The following RAB11A variants were observed in gnomAD, a reference collection of about 807,000 sequenced individuals.
RAB11A encodes RAB11A, member RAS oncogene family.
In RAB11A, 9 loss-of-function variants were observed where a neutral mutation model predicts 28.0. That is an observed-to-expected ratio of 0.32 (90% CI 0.19 to 0.56). The LOEUF is 0.56. RAB11A is among the 20% of genes least tolerant of loss of function. RAB11A has a pLI of 0.91. For synonymous variants in RAB11A, 85 were observed against 88.2 expected (o/e 0.96, Z 0.20); for missense variants, 108 against 269.6 (o/e 0.40, Z 4.20).
At position 65,869,835 on chromosome 15, in the gene RAB11A, A is replaced by C. The variant is rs531631012; in HGVS notation, c.40+210A>C. Reference sequence around the variant, plus strand: ...ATGCCGCTCTCTGAGCGACCTCTCCATAGGCCTTCGCTGGCCTCAGAGCCC... The same window carrying C: ...ATGCCGCTCTCTGAGCGACCTCTCCCTAGGCCTTCGCTGGCCTCAGAGCCC... On this transcript the variant is annotated intron_variant, in intron 1 of 4. Coordinates refer to ENST00000261890, the MANE Select transcript of RAB11A (RefSeq NM_004663.5). 2.0e-5 allele frequency among the ~76,000 whole-genome samples: 3 copies of C among 152,130 alleles called. No homozygotes were observed. In the East Asian group the frequency reaches 5.8e-4, roughly 29 times the overall value.
chr15:65,884,392 T>G (rs1596790880), intron 4 of RAB11A, among the ~76,000 whole-genome samples: 1 of 152,310 alleles, frequency 6.6e-6, no homozygotes, highest in African/African-American at 2.4e-5. Context: ...TGTAACCCAC[T>G]GTAAGTTTTA....
chr15:65,887,361 C>T (rs1162953949), intron 4 of RAB11A, among the ~76,000 whole-genome samples: 3 of 152,070 alleles, frequency 2.0e-5, no homozygotes, highest in African/African-American at 7.2e-5. Context: ...TTTGTAGAGA[C>T]AGGGTTTCAC....
At chr15:65,882,719 G>A (rs2078230370) in intron 4 of RAB11A, among the ~76,000 whole-genome samples, 1 of 152,206 alleles carries the variant, frequency 6.6e-6, no homozygotes, top group African/African-American at 2.4e-5. Flanking sequence ...TGATTTTGCT[G>A]ATGGTATTTT....
chr15:65,889,598 A>G lies in RAB11A; in HGVS notation c.*1758A>G, dbSNP rs12591642. On this transcript the variant is annotated 3_prime_UTR_variant, in exon 5 of 5. Transcript: ENST00000261890. ...GTGTGAATTCAGCTTTGATTTTAGAACTGCAGTTCAATTATGCTTTCCTTG... is the reference window on the plus strand; with the variant it reads ...GTGTGAATTCAGCTTTGATTTTAGAGCTGCAGTTCAATTATGCTTTCCTTG... The G allele has an allele frequency of 6.6e-6, 1 of 151,956 alleles. No individual in the cohort carries two copies. The highest frequency in any genetic ancestry group is 1.5e-5 in the Non-Finnish European group (1 of 68,004). 9.4% of individuals were successfully genotyped at this position (151,956 alleles called of 1,614,324 possible). A position where few individuals can be genotyped will look rare whatever the true frequency, so the allele number is the denominator to read the frequency against.
rs1389990222 is a variant in RAB11A, at chr15:65,885,789, T to G, written c.512-1912T>G. Among the ~76,000 whole-genome samples, 4 of 152,240 alleles carry G rather than the reference T, an allele frequency of 2.6e-5. No individual in the cohort carries two copies. The East Asian group carries it at 7.7e-4, about 29-fold the overall frequency. On this transcript the variant is annotated intron_variant, in intron 4 of 4. Coordinates refer to ENST00000261890, the MANE Select transcript of RAB11A (RefSeq NM_004663.5). ...TGGAGAAAAGGCATACGAAATTTAT[T>G]AACATGTACACTGTACACTGGTTTT... is the stretch of plus-strand genomic sequence containing the variant.
chr15:65,879,648 T>C, intron 3 of RAB11A, 23 bp from the exon 4 acceptor site: 1 of 1,537,574 alleles, frequency 6.5e-7, no homozygotes, highest in South Asian at 1.1e-5. Context: ...TTAACAAGAC[T>C]GAACTTTTGT....
Position 65,877,525 on chromosome 15 carries a change from A to G in RAB11A, c.234A>G (p.Ser78=), listed in dbSNP as rs1485132419. ...AGQERYRAIT[S]AYYRGAVGAL... is the part of the protein sequence containing the mutation. ...AAGAGCGATATCGAGCTATAACATC[A>G]GCGTAAGTCTCATGGTTTTTAAGTT... Residue 78 remains serine, a splice_region_variant and synonymous_variant, in exon 2 of 5, where the codon TCA becomes TCG. Coordinates refer to ENST00000261890, the MANE Select transcript of RAB11A (RefSeq NM_004663.5). This position sits in a 1 kb window ranked among gnomAD's most constrained non-coding sequence, Gnocchi z 4.1. 1 of 1,610,260 alleles carries G rather than the reference A, an allele frequency of 6.2e-7. No individual in the cohort carries two copies. The highest frequency in any genetic ancestry group is 8.5e-7 in the Non-Finnish European group (1 of 1,177,112).
chr15:65,873,567 T>A (rs1370547524), intron 1 of RAB11A, among the ~76,000 whole-genome samples: 5 of 151,866 alleles, frequency 3.3e-5, no homozygotes, highest in South Asian at 4.1e-4. Context: ...ATATATATAT[T>A]TTTTGAGGCA....
chr15:65,887,792 A>G lies in RAB11A; in HGVS notation c.603A>G (p.Pro201=), dbSNP rs1596793690. ...ACAATGTGGTTCCTATTCATGTTCC[A>G]CCAACCACTGAAAACAAGCCAAAGG... ...PSNNVVPIHV[P]PTTENKPKVQ... Residue 201 remains proline, a synonymous_variant, in exon 5 of 5, where the codon CCA becomes CCG. Coordinates refer to ENST00000261890, the MANE Select transcript of RAB11A (RefSeq NM_004663.5). The G allele has an allele frequency of 6.2e-7, 1 of 1,613,640 alleles. No homozygotes were observed. The highest frequency in any genetic ancestry group is 8.5e-7 in the Non-Finnish European group (1 of 1,179,880).
chr15:65,876,661 G>T (rs77053900), intron 1 of RAB11A, among the ~76,000 whole-genome samples: 11,289 of 152,192 alleles, frequency 0.074, 534 homozygotes, highest in Non-Finnish European at 0.099. Context: ...CTGTTTATCT[G>T]TAGTGGCTTG....
chr15:65,883,588 A>C (rs1246568870), intron 4 of RAB11A, among the ~76,000 whole-genome samples: 1 of 152,106 alleles, frequency 6.6e-6, no homozygotes, highest in Non-Finnish European at 1.5e-5. Flanking sequence ...TTTAGCATGA[A>C]CACTAAATTC....
chr15:65,885,471 G>A (rs1383807684), intron 4 of RAB11A, among the ~76,000 whole-genome samples: 5 of 152,058 alleles, frequency 3.3e-5, no homozygotes, highest in Admixed American at 1.3e-4. Context: ...TATTTCTTCA[G>A]TATACTAATA....
At chr15:65,886,343 A>G (rs1403222775) in intron 4 of RAB11A, among the ~76,000 whole-genome samples, 1 of 152,238 alleles carries the variant, frequency 6.6e-6, no homozygotes, top group Non-Finnish European at 1.5e-5. Flanking sequence ...TCTCTTGGAT[A>G]GCACAAATTT....
intron 1 of RAB11A, among the ~76,000 whole-genome samples, chr15:65,870,477 T>C (rs1280256561): frequency 6.6e-6 from 1 of 152,226 alleles, no homozygotes; most frequent in Non-Finnish European, 1.5e-5. Context: ...TTGCCCTCCC[T>C]ACTCAGTGGC....
intron 1 of RAB11A, among the ~76,000 whole-genome samples, chr15:65,869,828 C>T (rs912995213): frequency 1.3e-5 from 2 of 152,224 alleles, no homozygotes; most frequent in African/African-American, 4.8e-5. Context: ...CTCTGAGCGA[C>T]CTCTCCATAG....
In RAB11A at chr15:65,883,598, CT is replaced by C. The variant is rs561447357; in HGVS notation, c.511+3857del. On this transcript the variant is annotated intron_variant, in intron 4 of 4. Coordinates refer to ENST00000261890, the MANE Select transcript of RAB11A (RefSeq NM_004663.5). ...ATCTTTTTAGCATGAACACTAAATTCTTTTTTTTTTCCCCTGAGTCTTGTTC... is the reference window on the plus strand; with the variant it reads ...ATCTTTTTAGCATGAACACTAAATTCTTTTTTTTTCCCCTGAGTCTTGTTC... Among the ~76,000 whole-genome samples, 258 of 150,046 alleles carry C rather than the reference CT, an allele frequency of 1.7e-3. 1 individual carries two copies. Among genetic ancestry groups the C allele is most frequent in the African/African-American group, 5.9e-3 (241 of 40,908 alleles).
At position 65,887,758 on chromosome 15, in the gene RAB11A, C is replaced by G; in HGVS notation, c.569C>G (p.Ser190Cys). ...QMSDRRENDM[S>C]PSNNVVPIHV... Reference sequence around the variant, plus strand: ...TCAGACAGACGCGAAAATGACATGTCTCCAAGCAACAATGTGGTTCCTATT... The same window carrying G: ...TCAGACAGACGCGAAAATGACATGTGTCCAAGCAACAATGTGGTTCCTATT... The change falls in exon 5 of 5, where the codon TCT becomes TGT. Residue 190 changes from serine to cysteine, a missense_variant. Ser to Cys is a moderately radical substitution (Grantham distance 112). This residue lies in a region of RAB11A where 85 missense variants were observed against 145.9 expected (regional missense o/e 0.58). Transcript: ENST00000261890. The G allele has an allele frequency of 6.2e-7, 1 of 1,613,694 alleles. No individual in the cohort carries two copies. The highest frequency in any genetic ancestry group is 8.5e-7 in the Non-Finnish European group (1 of 1,179,780).
Position 65,877,295 on chromosome 15 carries a change from C to T in RAB11A, c.41-37C>T. ...CATAGTGGTGTTCTGAATATGTTTG[C>T]CTCATTCATCTGACATTGAATTCTT... is the stretch of plus-strand genomic sequence containing the variant. On this transcript the variant is annotated intron_variant, in intron 1 of 4. Transcript: ENST00000261890. This position sits in a 1 kb window ranked among gnomAD's most constrained non-coding sequence, Gnocchi z 4.1. The T allele has an allele frequency of 6.6e-7, 1 of 1,511,690 alleles. No homozygotes were observed. Among genetic ancestry groups the T allele is most frequent in the South Asian group, 1.2e-5 (1 of 84,146 alleles). The allele number at this position is 1,511,690 out of a possible 1,614,324, so 93.6% of individuals were successfully genotyped here.
At chr15:65,883,089 AAAC>A (rs1369369332) in intron 4 of RAB11A, among the ~76,000 whole-genome samples, 2 of 152,210 alleles carry the variant, frequency 1.3e-5, no homozygotes, top group African/African-American at 2.4e-5. Flanking sequence ...TATTTTGTAA[AAAC>A]AAGGATATTC....
Sources: allele counts gnomAD v4.1 joint callset (sites outside exome capture counted in the v4.1 genomes callset), GRCh38; gene constraint gnomAD v4.1.1; regional missense constraint gnomAD v4.1.1; non-coding constraint Gnocchi (gnomAD v3.1); transcripts MANE v1.5; gene names NCBI Gene and HGNC (gene_info 2026-07-23, HGNC 2026-07-21).